NOS1AP: variants seen among roughly 807,000 people sequenced by gnomAD.
NOS1AP encodes carboxyl-terminal PDZ ligand of neuronal nitric oxide synthase protein.
Under a neutral mutation model 56.2 loss-of-function variants are expected in NOS1AP, and 21 were observed. That is an observed-to-expected ratio of 0.37 (90% CI 0.26 to 0.54). The LOEUF is 0.54. Among genes scored for constraint, NOS1AP ranks in the 20% least tolerant of loss-of-function variants. The pLI is 0.84. For missense variants in NOS1AP, 522 were observed against 657.8 expected, an observed-to-expected ratio of 0.79 and a Z score of 2.26; for synonymous variants, 270 against 274.6, an observed-to-expected ratio of 0.98 and a Z score of 0.17.
At chr1:162,147,750 T>G (rs1649539829) in intron 1 of NOS1AP, among the ~76,000 whole-genome samples, 1 of 152,236 alleles carries the variant, frequency 6.6e-6, no homozygotes. Context: ...ATACAGATAA[T>G]CCCATATCTT....
intron 2 of NOS1AP, among the ~76,000 whole-genome samples, chr1:162,256,685 A>G (rs2101699852): frequency 6.6e-6 from 1 of 152,366 alleles, no homozygotes; most frequent in African/African-American, 2.4e-5. Flanking sequence ...GCGTATGTAC[A>G]TTAACACTCA....
At chr1:162,072,114 A>ATAGG (rs57606583) in intron 1 of NOS1AP, among the ~76,000 whole-genome samples, 3 of 151,836 alleles carry the variant, frequency 2.0e-5, no homozygotes, top group South Asian at 2.1e-4. Context: ...AGATAGATAG[A>ATAGG]AAGTGTATTT....
At chr1:162,109,777 G>T (rs1472502508) in intron 1 of NOS1AP, among the ~76,000 whole-genome samples, 2 of 151,850 alleles carry the variant, frequency 1.3e-5, no homozygotes, top group Non-Finnish European at 2.9e-5. Flanking sequence ...TGCACACTGG[G>T]TATCTGCAAT....
intron 2 of NOS1AP, among the ~76,000 whole-genome samples, chr1:162,286,490 A>G (rs1435668050): frequency 6.6e-6 from 1 of 152,244 alleles, no homozygotes; most frequent in East Asian, 1.9e-4. Context: ...AGTGCTCAAA[A>G]TGAAGTTCAC....
intron 2 of NOS1AP, among the ~76,000 whole-genome samples, chr1:162,177,317 G>A (rs879754813): frequency 2.6e-5 from 4 of 152,184 alleles, no homozygotes; most frequent in Non-Finnish European, 5.9e-5. Flanking sequence ...ACTTTGGTGT[G>A]GCAGTAAAGG....
At chr1:162,327,019 C>T (rs1310513123) in intron 4 of NOS1AP, among the ~76,000 whole-genome samples, 1 of 152,088 alleles carries the variant, frequency 6.6e-6, no homozygotes, top group Non-Finnish European at 1.5e-5. Flanking sequence ...GAAAGCAGAG[C>T]TTAAAAACAA....
chr1:162,158,596 A>G (rs1457624612), intron 2 of NOS1AP, among the ~76,000 whole-genome samples: 1 of 152,190 alleles, frequency 6.6e-6, no homozygotes, highest in African/African-American at 2.4e-5. Flanking sequence ...ATCATTTTGC[A>G]TTACTATCAT....
At chr1:162,125,071 A>C (rs1648423869) in intron 1 of NOS1AP, among the ~76,000 whole-genome samples, 1 of 151,516 alleles carries the variant, frequency 6.6e-6, no homozygotes, top group South Asian at 2.1e-4. Flanking sequence ...CATTCCCACC[A>C]GCAGTGAGTA....
At chr1:162,323,381 T>C (rs1247053235) in intron 4 of NOS1AP, among the ~76,000 whole-genome samples, 1 of 152,240 alleles carries the variant, frequency 6.6e-6, no homozygotes, top group Non-Finnish European at 1.5e-5. Flanking sequence ...GAAATTTCTG[T>C]TGTTTTAAGC....
intron 2 of NOS1AP, among the ~76,000 whole-genome samples, chr1:162,251,315 A>G (rs557932473): frequency 1.2e-4 from 19 of 152,098 alleles, no homozygotes; most frequent in African/African-American, 4.6e-4. Flanking sequence ...TGAGTTCTTC[A>G]AATTCCCGCA....
intron 2 of NOS1AP, among the ~76,000 whole-genome samples, chr1:162,225,809 C>T (rs1403252273): frequency 6.6e-6 from 1 of 152,220 alleles, no homozygotes; most frequent in East Asian, 1.9e-4. Context: ...CCGTAGATTA[C>T]TGATGGTGTC....
chr1:162,353,941 C>G (rs1241067311), intron 6 of NOS1AP, among the ~76,000 whole-genome samples: 3 of 152,216 alleles, frequency 2.0e-5, no homozygotes, highest in Non-Finnish European at 4.4e-5. Flanking sequence ...CTTCCCTGCC[C>G]CCACTAGCTG....
chr1:162,215,769 C>G (rs764569513), intron 2 of NOS1AP, among the ~76,000 whole-genome samples: 3 of 152,184 alleles, frequency 2.0e-5, no homozygotes, highest in Non-Finnish European at 4.4e-5. Context: ...CAAGCCAGGA[C>G]TGTTGTGATG....
In NOS1AP at chr1:162,353,369, G is replaced by T. The variant is rs545833690; in HGVS notation, c.596-1818G>T. Among the ~76,000 whole-genome samples the T allele has an allele frequency of 2.0e-5, 3 of 151,926 alleles. No individual in the cohort carries two copies. The East Asian group carries it at 5.8e-4, about 29-fold the overall frequency. On this transcript the variant is annotated intron_variant, in intron 6 of 9. Transcript: ENST00000361897. ...TCTGTGCCTCTCTGCCCCTGCCCCC[G>T]CGCCCGGCCAAACCTGACAAATTTT...
chr1:162,359,341 G>T (rs890127251), intron 8 of NOS1AP, among the ~76,000 whole-genome samples: 5 of 152,152 alleles, frequency 3.3e-5, no homozygotes, highest in African/African-American at 1.2e-4. Context: ...GGACGTTGGG[G>T]TCATCTGATA....
intron 1 of NOS1AP, among the ~76,000 whole-genome samples, chr1:162,150,238 G>T (rs1649654701): frequency 6.6e-6 from 1 of 152,154 alleles, no homozygotes; most frequent in Non-Finnish European, 1.5e-5. Flanking sequence ...TGTGAAGTTT[G>T]TCTTTCTGTG....
At chr1:162,317,055 TA>T (rs1350565678) in intron 4 of NOS1AP, 1 of 152,244 alleles carries the variant, frequency 6.6e-6, no homozygotes, top group Non-Finnish European at 1.5e-5. Flanking sequence ...TCATAAAGGG[TA>T]AATGTGTTCA....
intron 2 of NOS1AP, among the ~76,000 whole-genome samples, chr1:162,209,497 G>T (rs887912572): frequency 1.3e-5 from 2 of 152,286 alleles, no homozygotes; most frequent in Non-Finnish European, 2.9e-5. Context: ...TGGGTGTTCT[G>T]CTAAGTGTCT....
intron 1 of NOS1AP, among the ~76,000 whole-genome samples, chr1:162,133,738 T>C (rs2102065913): frequency 6.6e-6 from 1 of 152,388 alleles, no homozygotes; most frequent in East Asian, 1.9e-4. Flanking sequence ...ATTACCTTAA[T>C]CTTATTGTCT....
Sources: gnomAD v4.1 joint callset for allele counts (sites outside exome capture counted in the v4.1 genomes callset) on GRCh38, gnomAD v4.1.1 for gene constraint, MANE v1.5 for transcripts, NCBI Gene and HGNC (gene_info 2026-07-23, HGNC 2026-07-21) for gene names.